Variants in GRIP1 observed in about 807,000 individuals in gnomAD.
GRIP1 encodes the protein glutamate receptor interacting protein 1, also known as glutamate receptor-interacting protein 1.
Under a neutral mutation model 129.9 loss-of-function variants are expected in GRIP1, and 45 were observed. The ratio of observed to expected loss-of-function variants is 0.35; its 90% CI spans 0.27 to 0.44. The LOEUF is 0.44. Ranked by LOEUF, GRIP1 falls within the 20% of genes least tolerant of loss-of-function variation. The pLI is 1.00. For synonymous variants in GRIP1, 530 were observed against 520.8 expected, an observed-to-expected ratio of 1.02 and a Z score of -0.24; for missense variants, 1,196 against 1,396.8, an observed-to-expected ratio of 0.86 and a Z score of 2.29.
At chr12:66,501,340 G>A (rs11176237) in intron 7 of GRIP1, among the ~76,000 whole-genome samples, 14,319 of 152,188 alleles carry the variant, frequency 0.094, 762 homozygotes, top group East Asian at 0.24. Context: ...AGAAAATTAC[G>A]TCACGCCTGG....
At chr12:66,651,902 T>C (rs918258472) in intron 1 of GRIP1, among the ~76,000 whole-genome samples, 1 of 152,148 alleles carries the variant, frequency 6.6e-6, no homozygotes, top group African/African-American at 2.4e-5. Flanking sequence ...ATCCATTTCC[T>C]ACCATAATGT....
rs912491616 is a variant in GRIP1 at position 66,462,879 on chromosome 12, C to T, written c.1042+45G>A. On this transcript the variant is annotated intron_variant, in intron 9 of 24. Coordinates refer to ENST00000359742, the MANE Select transcript of GRIP1 (RefSeq NM_001366722.1). ...TCTAACTCTGCTAGAGGGAGCAACA[C>T]TGTGAGGGCCAGAGAAAGAGCTTGA... 12 of 1,492,566 alleles carry T rather than the reference C, an allele frequency of 8.0e-6. No homozygotes were observed. In the African/African-American group the frequency reaches 1.4e-4, roughly 17 times the overall value. 92.5% of individuals were successfully genotyped at this position (1,492,566 alleles called of 1,614,324 possible). A position where few individuals can be genotyped will look rare whatever the true frequency, so the allele number is the denominator to read the frequency against.
upstream of GRIP1, among the ~76,000 whole-genome samples, chr12:66,808,146 G>A (rs1003566551): frequency 1.3e-5 from 2 of 151,978 alleles, no homozygotes; most frequent in Admixed American, 6.5e-5. Context: ...ACTCCAGTAA[G>A]AGGTGCTATT....
rs2055979534 is a variant in GRIP1 at position 66,379,266 on chromosome 12, G to T, written c.2621+14C>A. The T allele has an allele frequency of 1.2e-6, 2 of 1,612,724 alleles. No homozygotes were observed. Among genetic ancestry groups the T allele is most frequent in the Admixed American group, 3.3e-5 (2 of 59,990 alleles). ...AGTCATCTTGGATGAGGCAGCATTG[G>T]TTGAAAACCTTACCCACTGGCTGTG... On this transcript the variant is annotated intron_variant, in intron 20 of 24. Coordinates refer to ENST00000359742, the MANE Select transcript of GRIP1 (RefSeq NM_001366722.1).
chr12:66,658,930 A>C (rs1037049605), intron 1 of GRIP1, among the ~76,000 whole-genome samples: 2 of 151,886 alleles, frequency 1.3e-5, no homozygotes, highest in African/African-American at 2.4e-5. Context: ...TCTCCAAAAA[A>C]AAAACAAAAT....
rs1455863095 is a variant in GRIP1 at position 66,851,897 on chromosome 12, T to C, written c.58+217153A>G. ...CACTTGTAATTTTTAAGTTCTGTCA[T>C]TTTTACAGATCATAAAACTTTATCA... On this transcript the variant is annotated intron_variant, in intron 1 of 1. Coordinates refer to the GRIP1 transcript ENST00000643019. Among the ~76,000 whole-genome samples, 6 of 152,146 alleles carry C rather than the reference T, an allele frequency of 3.9e-5. No homozygotes were observed. The East Asian group carries it at 9.6e-4, about 24-fold the overall frequency.
chr12:66,537,866 G>GA (rs1302682954), intron 4 of GRIP1, among the ~76,000 whole-genome samples: 10 of 152,186 alleles, frequency 6.6e-5, no homozygotes, highest in Admixed American at 5.2e-4. Context: ...ATGGCAAAGG[G>GA]AAAAAATTCA....
intron 1 of GRIP1, among the ~76,000 whole-genome samples, chr12:66,707,783 C>T (rs1181951796): frequency 6.6e-6 from 1 of 151,934 alleles, no homozygotes; most frequent in Non-Finnish European, 1.5e-5. Flanking sequence ...GAAAACCCAT[C>T]TTTTGCTAGA....
In GRIP1 at chr12:66,600,633, G is replaced by A. The variant is rs151195332; in HGVS notation, c.56-3706C>T. Among the ~76,000 whole-genome samples, 5 of 152,260 alleles carry A rather than the reference G, an allele frequency of 3.3e-5. No homozygotes were observed. In the East Asian group the frequency reaches 7.7e-4, roughly 23 times the overall value. ...AATAGCTATTAAGTATTGACTTAAT[G>A]TGAAAAATCTGACTATAAAAATGGT... On this transcript the variant is annotated intron_variant, in intron 1 of 24. Coordinates refer to ENST00000359742, the MANE Select transcript of GRIP1 (RefSeq NM_001366722.1).
intron 1 of GRIP1, among the ~76,000 whole-genome samples, chr12:66,979,034 C>T (rs540620314): frequency 6.6e-6 from 1 of 151,908 alleles, no homozygotes; most frequent in Non-Finnish European, 1.5e-5. Flanking sequence ...TAGCTCCACA[C>T]CATCTGGGTT....
At chr12:66,920,878 G>A (rs570893810) in intron 1 of GRIP1, among the ~76,000 whole-genome samples, 3 of 152,302 alleles carry the variant, frequency 2.0e-5, no homozygotes, top group Admixed American at 6.5e-5. Context: ...CATGTGATCC[G>A]TTCATCTGCA....
chr12:67,028,641 T>TA (rs1298476592), intron 1 of GRIP1, among the ~76,000 whole-genome samples: 2 of 152,192 alleles, frequency 1.3e-5, no homozygotes, highest in Non-Finnish European at 2.9e-5. Context: ...CTAATAAGAT[T>TA]AAATGCTGTG....
chr12:66,864,151 T>C (rs1280283816), intron 1 of GRIP1, among the ~76,000 whole-genome samples: 1 of 151,316 alleles, frequency 6.6e-6, no homozygotes, highest in Non-Finnish European at 1.5e-5. Context: ...TCATGGCTTC[T>C]CTTCCACCCC....
intron 1 of GRIP1, among the ~76,000 whole-genome samples, chr12:66,782,509 G>T (rs775782887): frequency 6.6e-6 from 1 of 152,156 alleles, no homozygotes; most frequent in Non-Finnish European, 1.5e-5. Context: ...AATTAGAAAC[G>T]GAGGGGGCTT....
intron 15 of GRIP1, among the ~76,000 whole-genome samples, chr12:66,419,319 G>C (rs546600444): frequency 6.6e-6 from 1 of 152,252 alleles, no homozygotes; most frequent in Non-Finnish European, 1.5e-5. Flanking sequence ...GGGGGGGTCA[G>C]CGTGGGGAAA....
chr12:66,415,290 A>G (rs2057559497), intron 15 of GRIP1, among the ~76,000 whole-genome samples: 3 of 152,322 alleles, frequency 2.0e-5, no homozygotes, highest in South Asian at 4.1e-4. Flanking sequence ...TCAAAAAAAG[A>G]TATTCATGCA....
intron 1 of GRIP1, chr12:67,065,370 GA>G (rs2043607553): frequency 6.6e-6 from 1 of 152,072 alleles, no homozygotes; most frequent in African/African-American, 2.4e-5. Context: ...GAAATCTAAA[GA>G]GAAGTTCTCA....
At chr12:67,037,455 C>T (rs1479022896) in intron 1 of GRIP1, 2 of 151,488 alleles carry the variant, frequency 1.3e-5, no homozygotes, top group Non-Finnish European at 2.9e-5. Flanking sequence ...TTTCAAAATG[C>T]TTTCTCAACT....
intron 22 of GRIP1, among the ~76,000 whole-genome samples, chr12:66,372,923 C>T (rs139744923): frequency 1.3e-5 from 2 of 152,168 alleles, no homozygotes; most frequent in Non-Finnish European, 2.9e-5. Context: ...ACCATGGGGA[C>T]AGAAAACAAG....
Sources: allele counts gnomAD v4.1 joint callset (sites outside exome capture counted in the v4.1 genomes callset), GRCh38; gene constraint gnomAD v4.1.1; transcripts MANE v1.5; gene names NCBI Gene and HGNC (gene_info 2026-07-23, HGNC 2026-07-21).